Variants in EYS observed in about 807,000 individuals in gnomAD.
EYS encodes protein eyes shut homolog.
EYS carries 250 observed loss-of-function variants against 282.1 expected under a neutral mutation model. That is an observed-to-expected ratio of 0.89 (90% CI 0.80 to 0.98). The LOEUF (loss-of-function observed/expected upper bound fraction) is 0.98, where lower values mean the gene tolerates loss of function less well. Among genes scored for constraint, EYS ranks in the 50% least tolerant of loss-of-function variants. EYS has a pLI of 0.00. For synonymous variants in EYS, 1,355 were observed against 1,282.9 expected, an observed-to-expected ratio of 1.06 and a Z score of -1.20; for missense variants, 4,016 against 3,709.0, an observed-to-expected ratio of 1.08 and a Z score of -2.15.
rs1772627764 is a variant in EYS, at chr6:64,096,655, A to AT, written c.6425-14654dup. Among the ~76,000 whole-genome samples, 5 of 152,112 alleles carry AT rather than the reference A, an allele frequency of 3.3e-5. No individual in the cohort carries two copies. In the South Asian group the frequency reaches 1.0e-3, roughly 32 times the overall value. ...GTTATTCTAGTTAGCCATTCGTCTAATTTTTTTCCAAGGTTGTTATCTTCT... is the reference window on the plus strand; with the variant it reads ...GTTATTCTAGTTAGCCATTCGTCTAATTTTTTTTCCAAGGTTGTTATCTTCT... On this transcript the variant is annotated intron_variant, in intron 31 of 42. Coordinates refer to ENST00000503581, the MANE Select transcript of EYS (RefSeq NM_001142800.2).
At chr6:65,529,533 T>TC (rs1767685354) in intron 2 of EYS, among the ~76,000 whole-genome samples, 1 of 152,152 alleles carries the variant, frequency 6.6e-6, no homozygotes, top group Non-Finnish European at 1.5e-5. Flanking sequence ...TGTCTATTAC[T>TC]CCCCCTGAAG....
intron 14 of EYS, among the ~76,000 whole-genome samples, chr6:64,984,821 T>C (rs1770799746): frequency 6.6e-6 from 1 of 151,432 alleles, no homozygotes; most frequent in Admixed American, 6.6e-5. Context: ...GCAGCCTTAC[T>C]GTAGCAAAAT....
At chr6:64,677,594 T>C (rs1769738494) in intron 22 of EYS, among the ~76,000 whole-genome samples, 1 of 152,166 alleles carries the variant, frequency 6.6e-6, no homozygotes, top group South Asian at 2.1e-4. Flanking sequence ...CTTTATTTTA[T>C]AGTTTGGTAA....
chr6:63,819,443 C>T (rs368831994), intron 36 of EYS, among the ~76,000 whole-genome samples: 5 of 152,140 alleles, frequency 3.3e-5, no homozygotes, highest in East Asian at 1.9e-4. Flanking sequence ...GGGATGATCA[C>T]GAGACAGACT....
chr6:63,891,321 G>A (rs1773401143), intron 35 of EYS, among the ~76,000 whole-genome samples: 2 of 152,110 alleles, frequency 1.3e-5, no homozygotes, highest in East Asian at 1.9e-4. Context: ...GATGAACATC[G>A]ATGCAAAAAT....
In EYS at chr6:65,069,838, T is replaced by C. The variant is rs191938955; in HGVS notation, c.2024-12111A>G. On this transcript the variant is annotated intron_variant, in intron 12 of 42. Transcript: ENST00000503581. ...TCTGAACAGCTATTGAAAGGTTAAT[T>C]TGGGAAGCCCATAAAATAGTCAGAT... is the stretch of plus-strand genomic sequence containing the variant. Among the ~76,000 whole-genome samples the C allele has an allele frequency of 9.5e-4, 145 of 152,088 alleles. 1 individual carries two copies. Among genetic ancestry groups the C allele is most frequent in the Middle Eastern group, 3.4e-3 (1 of 294 alleles).
At chr6:64,659,391 A>G (rs1583008182) in intron 22 of EYS, among the ~76,000 whole-genome samples, 1 of 152,268 alleles carries the variant, frequency 6.6e-6, no homozygotes, top group East Asian at 1.9e-4. Context: ...AGATCAGAGC[A>G]GAACTGAAGG....
chr6:65,052,676 C>T (rs895778437), intron 13 of EYS, among the ~76,000 whole-genome samples: 1 of 151,520 alleles, frequency 6.6e-6, no homozygotes, highest in Non-Finnish European at 1.5e-5. Flanking sequence ...AAAGTGAAAA[C>T]TCATTTTTAC....
In EYS at chr6:64,413,071, G is replaced by A. The variant is rs141424224; in HGVS notation, c.5927+23103C>T. ...TGCAAGGAGCAGGATTAAAACTATG[G>A]ATACTAGTTGAAGCTTATGTTCAGG... is the stretch of plus-strand genomic sequence containing the variant. On this transcript the variant is annotated intron_variant, in intron 28 of 42. Coordinates refer to ENST00000503581, the MANE Select transcript of EYS (RefSeq NM_001142800.2). Among the ~76,000 whole-genome samples the A allele has an allele frequency of 6.4e-4, 97 of 152,180 alleles. 2 individuals are homozygous for A. The East Asian group carries it at 0.014, about 21-fold the overall frequency.
At chr6:64,162,730 G>T (rs1372452170) in intron 31 of EYS, among the ~76,000 whole-genome samples, 1 of 152,076 alleles carries the variant, frequency 6.6e-6, no homozygotes. Flanking sequence ...TGGCAAGGCT[G>T]TACCTGAATA....
intron 8 of EYS, among the ~76,000 whole-genome samples, chr6:65,367,719 A>G (rs1179304850): frequency 6.6e-6 from 1 of 151,756 alleles, no homozygotes; most frequent in Non-Finnish European, 1.5e-5. Context: ...TAAAAGTGTG[A>G]GAGAAGAAGC....
intron 19 of EYS, among the ~76,000 whole-genome samples, chr6:64,842,849 T>C (rs1210536043): frequency 6.6e-6 from 1 of 152,100 alleles, no homozygotes; most frequent in Non-Finnish European, 1.5e-5. Flanking sequence ...AAACAGTGCA[T>C]AAAAGTTCAG....
chr6:64,093,590 T>C (rs1157900392), intron 31 of EYS, among the ~76,000 whole-genome samples: 1 of 152,216 alleles, frequency 6.6e-6, no homozygotes, highest in Non-Finnish European at 1.5e-5. Context: ...CTTGTGATTT[T>C]TGCACATTGA....
At chr6:65,012,516 T>C (rs1771905968) in intron 13 of EYS, among the ~76,000 whole-genome samples, 1 of 152,178 alleles carries the variant, frequency 6.6e-6, no homozygotes, top group South Asian at 2.1e-4. Context: ...GTTTTCTCAG[T>C]AATTTCACAA....
At chr6:64,348,433 G>GA (rs375883573) in intron 29 of EYS, among the ~76,000 whole-genome samples, 150,614 of 151,270 alleles carry the variant, frequency 1, 74,981 homozygotes, top group Middle Eastern at 1. Flanking sequence ...TTTCTCCCAT[G>GA]GAAGCCACTC....
chr6:64,073,877 A>G (rs2149861767), intron 32 of EYS, among the ~76,000 whole-genome samples: 1 of 151,894 alleles, frequency 6.6e-6, no homozygotes, highest in African/African-American at 2.4e-5. Context: ...ACCTTCAGGC[A>G]GGACTTGAAA....
At chr6:65,287,232 T>C (rs1768391957) in intron 12 of EYS, among the ~76,000 whole-genome samples, 1 of 151,554 alleles carries the variant, frequency 6.6e-6, no homozygotes. Flanking sequence ...TGCTCACACC[T>C]ATAATTTTAC....
chr6:65,286,586 T>C (rs530221761), intron 12 of EYS, among the ~76,000 whole-genome samples: 1 of 151,882 alleles, frequency 6.6e-6, no homozygotes, highest in South Asian at 2.1e-4. Flanking sequence ...ATATTATCCA[T>C]GTACATAAGT....
intron 13 of EYS, among the ~76,000 whole-genome samples, chr6:65,003,428 C>T (rs748294127): frequency 4.7e-5 from 7 of 147,452 alleles, no homozygotes; most frequent in East Asian, 2.1e-4. Flanking sequence ...AAATGGTGCC[C>T]GAAACTTCAT....
Sources: gnomAD v4.1 joint callset for allele counts (sites outside exome capture counted in the v4.1 genomes callset) on GRCh38, gnomAD v4.1.1 for gene constraint, MANE v1.5 for transcripts, NCBI Gene and HGNC (gene_info 2026-07-23, HGNC 2026-07-21) for gene names.